MATN3: variants seen among roughly 807,000 people sequenced by gnomAD.
MATN3 encodes the protein matrilin 3.
In MATN3, 48 loss-of-function variants were observed where a neutral mutation model predicts 45.3. The observed-to-expected ratio is 1.06, with a 90% CI of 0.84 to 1.35. MATN3 has a LOEUF of 1.35. Ranked by LOEUF, MATN3 falls within the 40% of genes most tolerant of loss-of-function variation. The pLI, the probability that MATN3 is intolerant of heterozygous loss-of-function variation, is 0.00. For missense variants in MATN3, 599 were observed against 628.0 expected (o/e 0.95, Z 0.49); for synonymous variants, 217 against 245.9 (o/e 0.88, Z 1.10).
intron 1 of MATN3, among the ~76,000 whole-genome samples, chr2:20,010,578 T>C (rs1255132827): frequency 1.3e-5 from 2 of 152,070 alleles, no homozygotes; most frequent in African/African-American, 4.8e-5. Flanking sequence ...AGTAACTCAA[T>C]GGGAGAAGGC....
chr2:20,009,580 C>T (rs750899426), intron 1 of MATN3, among the ~76,000 whole-genome samples: 2 of 152,094 alleles, frequency 1.3e-5, no homozygotes, highest in Non-Finnish European at 2.9e-5. Context: ...AAACCACCAG[C>T]GCACATGTAT....
At chr2:20,004,627 C>T (rs957383172) in intron 2 of MATN3, among the ~76,000 whole-genome samples, 1 of 152,108 alleles carries the variant, frequency 6.6e-6, no homozygotes, top group Non-Finnish European at 1.5e-5. Flanking sequence ...TTGATGGCTG[C>T]GTTTCACATT....
At chr2:20,004,290 T>A (rs1673051955) in intron 2 of MATN3, 1 of 152,240 alleles carries the variant, frequency 6.6e-6, no homozygotes, top group Admixed American at 6.5e-5. Context: ...AGGAAAAGAT[T>A]GCCACTCACC....
chr2:20,011,826 C>T (rs1346666429), intron 1 of MATN3, among the ~76,000 whole-genome samples: 1 of 152,216 alleles, frequency 6.6e-6, no homozygotes, highest in African/African-American at 2.4e-5. Context: ...GCACTATGAG[C>T]TTTGCTCTGC....
chr2:20,005,980 G>A lies in MATN3; in HGVS notation c.554C>T (p.Ser185Phe), dbSNP rs767490056. The A allele has an allele frequency of 1.2e-6, 2 of 1,614,016 alleles. No individual in the cohort carries two copies. The highest frequency in any genetic ancestry group is 1.7e-6 in the Non-Finnish European group (2 of 1,179,892). Residue 185 changes from serine to phenylalanine, a missense_variant, in exon 2 of 8, where the codon TCT (serine) becomes TTT (phenylalanine). Physicochemically the swap from Ser to Phe is radical, Grantham distance 155 (BLOSUM62 -2). Coordinates refer to ENST00000407540, the MANE Select transcript of MATN3 (RefSeq NM_002381.5). ...TVEAGAREPS[S>F]NIPKVAIIVT... is the part of the protein sequence containing the mutation. ...AATGATGGCCACCTTAGGGATGTTA[G>A]AAGAGGGCTCTCGAGCCCCTGCCTC...
Position 19,994,298 on chromosome 2 carries a change from T to G in MATN3, c.1405+1A>C. ...AGGAGAAAACCTTCCAGAAAGGATA[T>G]GTTTAGTGTTCAGTCTTTGAAGATA... is the stretch of plus-strand genomic sequence containing the variant. On this transcript the variant is annotated splice_donor_variant, in intron 7 of 7. Transcript: ENST00000407540. LOFTEE classifies it high-confidence loss of function. The G allele has an allele frequency of 6.2e-7, 1 of 1,602,306 alleles. No individual in the cohort carries two copies. Among genetic ancestry groups the G allele is most frequent in the South Asian group, 1.1e-5 (1 of 90,370 alleles).
In MATN3 at chr2:20,012,409, C is replaced by A; in HGVS notation, c.223G>T (p.Gly75Cys). The A allele has an allele frequency of 8.1e-7, 1 of 1,229,326 alleles. No homozygotes were observed. The highest frequency in any genetic ancestry group is 1.0e-6 in the Non-Finnish European group (1 of 986,436). The allele number at this position is 1,229,326 out of a possible 1,614,324, so 76.2% of individuals were successfully genotyped here. A position where few individuals can be genotyped will look rare whatever the true frequency, so the allele number is the denominator to read the frequency against. The change falls in exon 1 of 8, where the codon GGT becomes TGT. Residue 75 changes from glycine (G) to cysteine (C), a missense_variant and splice_region_variant. Transcript: ENST00000407540. The surrounding 1 kb of genome is among the most constrained non-coding windows in gnomAD (Gnocchi z 4.3). ...TSEPGRARGA[G>C]VCKSRPLDLV... The stretch of plus-strand genomic sequence containing the variant: ...CGTCCCTCCCGCCGCCCGCCTGTAC[C>A]TGCACCGCGGGCGCGGCCAGGCTCG...
chr2:19,993,037 C>T lies in MATN3; in HGVS notation c.*74G>A, dbSNP rs1483047682. 2.7e-6 allele frequency: 3 copies of T among 1,129,884 alleles called. No homozygotes were observed. Among genetic ancestry groups the T allele is most frequent in the Non-Finnish European group, 2.7e-6 (2 of 744,358 alleles). The allele number at this position is 1,129,884 out of a possible 1,614,324, so 70.0% of individuals were successfully genotyped here. A position where few individuals can be genotyped will look rare whatever the true frequency, so the allele number is the denominator to read the frequency against. On this transcript the variant is annotated 3_prime_UTR_variant, in exon 8 of 8. Coordinates refer to ENST00000407540, the MANE Select transcript of MATN3 (RefSeq NM_002381.5). ...TTATTAGCAGGAACATTGGCAATAA[C>T]AGGTGTGCAAAAGAATGCATGAGTA...
In MATN3 at chr2:19,997,236, A is replaced by T. The variant is rs760753512; in HGVS notation, c.1192T>A (p.Ser398Thr). 1.7e-5 allele frequency: 27 copies of T among 1,613,296 alleles called. No homozygotes were observed. The South Asian group carries it at 2.5e-4, about 15-fold the overall frequency. ...CSVRDKCALG[S>T]HGCQHICVSD... ...ACACAAATGTGCTGGCAACCATGAG[A>T]GCCTAGGGCACACTTGTCACGGACT... The change falls in exon 6 of 8, where the codon TCT becomes ACT. Residue 398 changes from serine to threonine, a missense_variant. By Grantham distance (58) the Ser-to-Thr change is moderately conservative. Coordinates refer to ENST00000407540, the MANE Select transcript of MATN3 (RefSeq NM_002381.5).
At position 20,012,575 on chromosome 2, in the gene MATN3, C is replaced by T. The variant is rs1572389026; in HGVS notation, c.57G>A (p.Pro19=). Reference sequence around the variant, plus strand: ...GGGCGGCGGAGGGCAGCAGCAGCAGCGGCCAGAGCAGCAGGAGGAGTCCCG... The same window carrying T: ...GGGCGGCGGAGGGCAGCAGCAGCAGTGGCCAGAGCAGCAGGAGGAGTCCCG... ...RLPGLLLLLW[P]LLLLPSAAPD... The change falls in exon 1 of 8, where the codon CCG becomes CCA. Residue 19 remains proline (P), a synonymous_variant. Transcript: ENST00000407540. The surrounding 1 kb of genome is among the most constrained non-coding windows in gnomAD (Gnocchi z 4.3). 8.2e-7 allele frequency: 1 copy of T among 1,226,058 alleles called. No homozygotes were observed. The highest frequency in any genetic ancestry group is 1.0e-6 in the Non-Finnish European group (1 of 985,028). The allele number at this position is 1,226,058 out of a possible 1,614,324, so 75.9% of individuals were successfully genotyped here.
rs1672791829 is a variant in MATN3 at position 19,993,093 on chromosome 2, G to C, written c.*18C>G. The C allele has an allele frequency of 6.2e-7, 1 of 1,603,276 alleles. No homozygotes were observed. The highest frequency in any genetic ancestry group is 8.5e-7 in the Non-Finnish European group (1 of 1,170,428). ...TACACCAAGCTGTCCACATTTTCAG[G>C]TGAGAAATTGGAGCAATTTAACGAT... On this transcript the variant is annotated 3_prime_UTR_variant, in exon 8 of 8. Transcript: ENST00000407540.
In MATN3 at chr2:20,003,330, A is replaced by G. The variant is rs758720503; in HGVS notation, c.791-44T>C. ...AACAGTCAGCACTGACACTTAGGAA[A>G]CATCTCAGATACCGTCTCCCATGTC... On this transcript the variant is annotated intron_variant, in intron 2 of 7. Coordinates refer to ENST00000407540, the MANE Select transcript of MATN3 (RefSeq NM_002381.5). 5 of 1,541,710 alleles carry G rather than the reference A, an allele frequency of 3.2e-6. No individual in the cohort carries two copies. The African/African-American group carries it at 4.1e-5, about 13-fold the overall frequency.
chr2:19,993,740 A>C (rs948231901), intron 7 of MATN3, among the ~76,000 whole-genome samples: 2 of 152,228 alleles, frequency 1.3e-5, no homozygotes, highest in Non-Finnish European at 2.9e-5. Flanking sequence ...CCACAATCTA[A>C]ATTCCACTCC....
chr2:20,005,856 G>A lies in MATN3; in HGVS notation c.678C>T (p.Asp226=). ...ELYAVGVDRA[D]MASLKMMASE... Reference sequence around the variant, plus strand: ...TGGCCATCATCTTGAGGGACGCCATGTCTGCCCGGTCCACGCCCACAGCAT... The same window carrying A: ...TGGCCATCATCTTGAGGGACGCCATATCTGCCCGGTCCACGCCCACAGCAT... The change falls in exon 2 of 8, where the codon GAC becomes GAT. Residue 226 remains aspartate, a synonymous_variant. Transcript: ENST00000407540. 1.2e-6 allele frequency: 2 copies of A among 1,609,430 alleles called. No individual in the cohort carries two copies. Among genetic ancestry groups the A allele is most frequent in the Non-Finnish European group, 1.7e-6 (2 of 1,177,764 alleles).
rs556961636 is a variant in MATN3, at chr2:20,012,528, C to T, written c.104G>A (p.Gly35Asp). The change falls in exon 1 of 8, where the codon GGC becomes GAC. Residue 35 changes from glycine to aspartate, a missense_variant. Physicochemically the swap from Gly to Asp is moderately conservative, Grantham distance 94. Transcript: ENST00000407540. This position sits in a 1 kb window ranked among gnomAD's most constrained non-coding sequence, Gnocchi z 4.3. ...ACCTCGGGTCTCCAGCCTCCGGAAG[C>T]CCGGGCGGGCCACGGGGTCGGGGGC... ...SAAPDPVARP[G>D]FRRLETRGPG... is the part of the protein sequence containing the mutation. 8.8e-5 allele frequency: 108 copies of T among 1,227,220 alleles called. No individual in the cohort carries two copies. The highest frequency in any genetic ancestry group is 6.9e-4 in the South Asian group (17 of 24,500). The allele number at this position is 1,227,220 out of a possible 1,614,324, so 76.0% of individuals were successfully genotyped here. A position where few individuals can be genotyped will look rare whatever the true frequency, so the allele number is the denominator to read the frequency against.
In MATN3 at chr2:20,000,518, A is replaced by ACATTCG. The variant is rs753686951; in HGVS notation, c.1090_1091insCGAATG (p.Cys363_Val364insAlaAsn). 6.2e-7 allele frequency: 1 copy of ACATTCG among 1,612,576 alleles called. No individual in the cohort carries two copies. Among genetic ancestry groups the ACATTCG allele is most frequent in the South Asian group, 1.1e-5 (1 of 90,720 alleles). On this transcript the variant is annotated inframe_insertion, in exon 5 of 8. Coordinates refer to ENST00000407540, the MANE Select transcript of MATN3 (RefSeq NM_002381.5). ...ATGATGGGACCCTGTTCTGTCATTCACACAAATGTGCTGACACCCATGGGT... is the reference window on the plus strand; with the variant it reads ...ATGATGGGACCCTGTTCTGTCATTCACATTCGCACAAATGTGCTGACACCCATGGGT...
At chr2:19,997,357 G>C in intron 5 of MATN3, 98 bp from the exon 6 acceptor site, 1 of 1,326,698 alleles carries the variant, frequency 7.5e-7, no homozygotes, top group Non-Finnish European at 1.0e-6. Flanking sequence ...GTCCCCACAA[G>C]TGCTGAGAAT....
chr2:19,995,395 G>A lies in MATN3; in HGVS notation c.1295-986C>T, dbSNP rs1375381269. On this transcript the variant is annotated intron_variant, in intron 6 of 7. Transcript: ENST00000407540. This position sits in a 1 kb window ranked among gnomAD's most constrained non-coding sequence, Gnocchi z 4.2. ...TTGAACCCGGGAGGCAGAGGTTGCA[G>A]TGAGCTGAGATCGCACCACTGCACT... Among the ~76,000 whole-genome samples the A allele has an allele frequency of 6.6e-6, 1 of 152,116 alleles. No individual in the cohort carries two copies. Among genetic ancestry groups the A allele is most frequent in the African/African-American group, 2.4e-5 (1 of 41,408 alleles).
chr2:20,010,528 A>G (rs1673202100), intron 1 of MATN3, among the ~76,000 whole-genome samples: 1 of 152,222 alleles, frequency 6.6e-6, no homozygotes, highest in Non-Finnish European at 1.5e-5. Flanking sequence ...GAGTCAATGT[A>G]ATTATAAAGT....
Sources: gnomAD v4.1 joint callset for allele counts (sites outside exome capture counted in the v4.1 genomes callset) on GRCh38, gnomAD v4.1.1 for gene constraint, Gnocchi (gnomAD v3.1) non-coding constraint, MANE v1.5 for transcripts, NCBI Gene and HGNC (gene_info 2026-07-23, HGNC 2026-07-21) for gene names.